Variants in CARMIL1 observed in about 807,000 individuals in gnomAD.
The protein encoded by CARMIL1 is capping protein regulator and myosin 1 linker 1.
A neutral mutation model predicts 177.1 loss-of-function variants in CARMIL1; 90 were observed. That is an observed-to-expected ratio of 0.51 (90% CI 0.43 to 0.61). The LOEUF is 0.61. CARMIL1 is among the 20% of genes least tolerant of loss of function. CARMIL1 has a pLI of 0.00. For synonymous variants in CARMIL1, 577 were observed against 606.2 expected (o/e 0.95, Z 0.71); for missense variants, 1,380 against 1,667.0 (o/e 0.83, Z 3.00).
intron 3 of CARMIL1, among the ~76,000 whole-genome samples, chr6:25,425,311 G>T (rs1463359348): frequency 1.3e-5 from 2 of 152,056 alleles, no homozygotes; most frequent in Non-Finnish European, 2.9e-5. Flanking sequence ...TTGTTTAACT[G>T]GAGATTCAGG....
intron 2 of CARMIL1, among the ~76,000 whole-genome samples, chr6:25,303,080 A>G (rs1348396021): frequency 1.3e-5 from 2 of 150,654 alleles, no homozygotes; most frequent in African/African-American, 4.9e-5. Flanking sequence ...TAGATGAGAG[A>G]GAAATTGCAT....
chr6:25,426,418 T>TG, intron 3 of CARMIL1, 83 bp from the exon 4 acceptor site: 1 of 1,094,860 alleles, frequency 9.1e-7, no homozygotes, highest in Non-Finnish European at 1.3e-6. Flanking sequence ...TAGGATTTTT[T>TG]TTTTTTTTTT....
At chr6:25,438,116 G>T (rs923852462) in intron 5 of CARMIL1, among the ~76,000 whole-genome samples, 3 of 152,236 alleles carry the variant, frequency 2.0e-5, no homozygotes, top group African/African-American at 7.2e-5. Context: ...CATTATAATA[G>T]CTCTAATCCT....
At chr6:25,314,077 T>G (rs530835510) in intron 2 of CARMIL1, among the ~76,000 whole-genome samples, 1 of 150,904 alleles carries the variant, frequency 6.6e-6, no homozygotes, top group Non-Finnish European at 1.5e-5. Flanking sequence ...AAAAAAATCC[T>G]GGAGGAAGTC....
intron 3 of CARMIL1, among the ~76,000 whole-genome samples, chr6:25,421,587 C>A (rs541117529): frequency 2.0e-5 from 3 of 151,704 alleles, no homozygotes; most frequent in Non-Finnish European, 2.9e-5. Flanking sequence ...ATGTTTATTG[C>A]GGCACTATTC....
rs34691813 is a variant in CARMIL1, at chr6:25,600,599, T to C, written c.3405T>C (p.Ser1135=). 0.025 allele frequency: 40,500 copies of C among 1,613,172 alleles called. 655 individuals are homozygous for C. The highest frequency in any genetic ancestry group is 0.058 in the Middle Eastern group (350 of 6,062). The change falls in exon 33 of 37, where the codon AGT becomes AGC. Residue 1135 remains serine, a synonymous_variant. Transcript: ENST00000329474. ...EIKTPDSFEE[S]QGEEIGKVER... ...AAACACCTGACTCCTTTGAAGAGAGTCAAGGGGAAGAAATAGGGAAGGTGG... is the reference window on the plus strand; with the variant it reads ...AAACACCTGACTCCTTTGAAGAGAGCCAAGGGGAAGAAATAGGGAAGGTGG...
At chr6:25,320,981 C>T (rs1784625262) in intron 2 of CARMIL1, among the ~76,000 whole-genome samples, 1 of 152,220 alleles carries the variant, frequency 6.6e-6, no homozygotes, top group Non-Finnish European at 1.5e-5. Context: ...TCCTGGACTG[C>T]ATGTGGCCCA....
At chr6:25,291,548 T>A (rs9467458) in intron 2 of CARMIL1, among the ~76,000 whole-genome samples, 2,511 of 152,346 alleles carry the variant, frequency 0.016, 59 homozygotes, top group African/African-American at 0.052. Context: ...TGTGCCATAG[T>A]CACTTTTCAG....
At chr6:25,422,904 T>C (rs887046289) in intron 3 of CARMIL1, among the ~76,000 whole-genome samples, 1 of 152,198 alleles carries the variant, frequency 6.6e-6, no homozygotes, top group African/African-American at 2.4e-5. Flanking sequence ...GGCTCCGTCC[T>C]GTGATGTATA....
intron 2 of CARMIL1, among the ~76,000 whole-genome samples, chr6:25,391,796 G>A (rs1187316364): frequency 1.3e-5 from 2 of 152,150 alleles, no homozygotes; most frequent in South Asian, 4.1e-4. Context: ...GATTGTCCAA[G>A]GTCACATGGC....
At position 25,290,908 on chromosome 6, in the gene CARMIL1, T is replaced by C. The variant is rs975103739; in HGVS notation, c.138+5999T>C. On this transcript the variant is annotated intron_variant, in intron 2 of 36. Transcript: ENST00000329474. ...TCTTGCAATCACTTGAACTGAGCCTTGCCCAGTTCAGCCTCTTGAGTAGCT... is the reference window on the plus strand; with the variant it reads ...TCTTGCAATCACTTGAACTGAGCCTCGCCCAGTTCAGCCTCTTGAGTAGCT... 9.2e-5 allele frequency among the ~76,000 whole-genome samples: 14 copies of C among 152,284 alleles called. No individual in the cohort carries two copies. In the South Asian group the frequency reaches 1.2e-3, roughly 14 times the overall value.
chr6:25,481,901 A>G (rs1420952325), intron 11 of CARMIL1, among the ~76,000 whole-genome samples: 4 of 152,196 alleles, frequency 2.6e-5, no homozygotes, highest in Non-Finnish European at 4.4e-5. Flanking sequence ...AGAGCGATCA[A>G]CTCATTAAGA....
chr6:25,300,555 A>G (rs73394116), intron 2 of CARMIL1, among the ~76,000 whole-genome samples: 1,550 of 152,322 alleles, frequency 0.01, 31 homozygotes, highest in African/African-American at 0.035. Context: ...AGGCTAAGGC[A>G]TGAGAGTCAC....
At chr6:25,459,280 TA>T (rs1442134189) in intron 8 of CARMIL1, among the ~76,000 whole-genome samples, 3 of 128,990 alleles carry the variant, frequency 2.3e-5, no homozygotes, top group Non-Finnish European at 5.0e-5. Flanking sequence ...TTTTTTTTTT[TA>T]AGACAGGGTC....
At chr6:25,293,787 T>C (rs115584488) in intron 2 of CARMIL1, among the ~76,000 whole-genome samples, 1,876 of 152,068 alleles carry the variant, frequency 0.012, 17 homozygotes, top group South Asian at 0.018. Flanking sequence ...AGTGGCATGA[T>C]CTCAACTCAT....
intron 1 of CARMIL1, among the ~76,000 whole-genome samples, chr6:25,284,181 C>G (rs1242715390): frequency 6.6e-6 from 1 of 152,204 alleles, no homozygotes; most frequent in Admixed American, 6.5e-5. Context: ...CTGTTGTGTT[C>G]TGCATGCAAC....
chr6:25,541,740 G>T (rs1425309103), intron 26 of CARMIL1, among the ~76,000 whole-genome samples: 3 of 152,110 alleles, frequency 2.0e-5, no homozygotes, highest in Admixed American at 2.0e-4. Context: ...TGTAACCTCT[G>T]CCTCCTGGGT....
At chr6:25,418,717 A>C (rs961969389) in intron 2 of CARMIL1, among the ~76,000 whole-genome samples, 3 of 152,156 alleles carry the variant, frequency 2.0e-5, no homozygotes, top group African/African-American at 7.2e-5. Flanking sequence ...GTCATTTATT[A>C]ATGGCTTCCT....
chr6:25,600,539 G>A lies in CARMIL1; in HGVS notation c.3345G>A (p.Glu1115=), dbSNP rs762842336. Residue 1115 remains glutamate, a synonymous_variant, in exon 33 of 37, where the codon GAG becomes GAA. Coordinates refer to ENST00000329474, the MANE Select transcript of CARMIL1 (RefSeq NM_017640.6). The part of the protein sequence containing the change: ...DCPRKDTKAA[E]HNGNSERIEE... ...CCAGGAAGGACACAAAGGCCGCCGA[G>A]CACAATGGCAATTCTGAACGGATAG... 5.0e-6 allele frequency: 8 copies of A among 1,613,926 alleles called. No homozygotes were observed. In the Admixed American group the frequency reaches 8.3e-5, roughly 17 times the overall value.
Sources: allele counts gnomAD v4.1 joint callset (sites outside exome capture counted in the v4.1 genomes callset), GRCh38; gene constraint gnomAD v4.1.1; transcripts MANE v1.5; gene names NCBI Gene and HGNC (gene_info 2026-07-23, HGNC 2026-07-21).